Variants in DDX60L observed in about 807,000 individuals in gnomAD.
DDX60L encodes the protein probable ATP-dependent RNA helicase DDX60-like.
DDX60L carries 191 observed loss-of-function variants against 211.6 expected under a neutral mutation model. The ratio of observed to expected loss-of-function variants is 0.90; its 90% CI spans 0.80 to 1.02. DDX60L has a LOEUF of 1.02. DDX60L is among the 50% of genes least tolerant of loss of function. The pLI is 0.00. For synonymous variants in DDX60L, 706 were observed against 694.1 expected, an observed-to-expected ratio of 1.02 and a Z score of -0.27; for missense variants, 2,007 against 1,984.1, an observed-to-expected ratio of 1.01 and a Z score of -0.22.
chr4:168,473,517 T>C (rs191199186), intron 1 of DDX60L, among the ~76,000 whole-genome samples: 52 of 152,232 alleles, frequency 3.4e-4, no homozygotes, highest in Admixed American at 2.6e-3. Flanking sequence ...AGATTCCACA[T>C]GGGAAGGGAG....
Position 168,357,998 on chromosome 4 carries a change from A to G in DDX60L, c.*149T>C, listed in dbSNP as rs768780167. ...TATATTACATAACTTAAAGTCATTC[A>G]GTTAGAAAATAGCAGAGCTGATATC... On this transcript the variant is annotated 3_prime_UTR_variant, in exon 38 of 38. Coordinates refer to ENST00000682922, the MANE Select transcript of DDX60L (RefSeq NM_001012967.3). The G allele has an allele frequency of 6.9e-5, 47 of 680,820 alleles. No individual in the cohort carries two copies. The highest frequency in any genetic ancestry group is 5.4e-4 in the African/African-American group (29 of 53,958). The allele number at this position is 680,820 out of a possible 1,614,324, so 42.2% of individuals were successfully genotyped here.
intron 4 of DDX60L, among the ~76,000 whole-genome samples, chr4:168,467,462 T>A (rs77520034): frequency 0.16 from 16,933 of 103,362 alleles, 1,280 homozygotes; most frequent in Non-Finnish European, 0.23. Flanking sequence ...AAAAAAAAAA[T>A]GAAAGAAGGA....
At chr4:168,363,036 A>C (rs2149595443) in intron 36 of DDX60L, among the ~76,000 whole-genome samples, 1 of 152,326 alleles carries the variant, frequency 6.6e-6, no homozygotes, top group South Asian at 2.1e-4. Flanking sequence ...AAAGTCAAAG[A>C]CAAAGAATTC....
chr4:168,471,787 A>G lies in DDX60L; in HGVS notation c.224T>C (p.Leu75Pro). 1 of 1,609,370 alleles carries G rather than the reference A, an allele frequency of 6.2e-7. No homozygotes were observed. The highest frequency in any genetic ancestry group is 8.5e-7 in the Non-Finnish European group (1 of 1,178,972). ...GGTGAATTGTCCTCCGTTACTCAGA[A>G]GATCCACAAGATAGCATTCAACCAG... ...FYLVECYLVD[L>P]LSNGGQFTIV... The change falls in exon 4 of 38, where the codon CTT (leucine) becomes CCT (proline). Residue 75 changes from leucine (L) to proline (P), a missense_variant. Transcript: ENST00000682922.
chr4:168,375,659 T>C lies in DDX60L; in HGVS notation c.4486-135A>G, dbSNP rs1299668050. 3.7e-6 allele frequency: 3 copies of C among 809,294 alleles called. No individual in the cohort carries two copies. The East Asian group carries it at 9.5e-5, about 26-fold the overall frequency. The allele number at this position is 809,294 out of a possible 1,614,324, so 50.1% of individuals were successfully genotyped here. On this transcript the variant is annotated intron_variant, in intron 33 of 37. Coordinates refer to ENST00000682922, the MANE Select transcript of DDX60L (RefSeq NM_001012967.3). ...AACCCTTGATTACTTTACTCACCTG[T>C]GAGATTAAGGTAAAATTTCCTTTTG...
intron 15 of DDX60L, among the ~76,000 whole-genome samples, chr4:168,422,968 ATTGTGT>A (rs1750878711): frequency 2.9e-5 from 2 of 68,722 alleles, no homozygotes; most frequent in Non-Finnish European, 4.9e-5. Flanking sequence ...TGTGGCTAAT[ATTGTGT>A]GTGTGTGTGT....
chr4:168,395,882 T>C (rs1745674065), intron 27 of DDX60L, 77 bp downstream of exon 27: 1 of 967,336 alleles, frequency 1.0e-6, no homozygotes, highest in South Asian at 1.4e-5. Context: ...GTCATTTCAG[T>C]GTTCAAAGAT....
rs202236373 is a variant in DDX60L, at chr4:168,416,445, ATGGTAATGTACACC to A, written c.2726+223_2726+236del. 8.4e-3 allele frequency among the ~76,000 whole-genome samples: 1,211 copies of A among 144,914 alleles called. 16 individuals carry two copies. Among genetic ancestry groups the A allele is most frequent in the African/African-American group, 0.029 (1,119 of 38,268 alleles). The stretch of plus-strand genomic sequence containing the variant: ...TCAAAAAAATTTGAGAAAGCCAGAC[ATGGTAATGTACACC>A]TGTGGTCCCAGCTACTCAGGAGGCT... On this transcript the variant is annotated intron_variant, in intron 20 of 37. Transcript: ENST00000682922.
At chr4:168,451,338 A>G (rs1235167773) in intron 8 of DDX60L, among the ~76,000 whole-genome samples, 1 of 152,086 alleles carries the variant, frequency 6.6e-6, no homozygotes, top group Non-Finnish European at 1.5e-5. Context: ...CATTGCCACC[A>G]CCTCAAACTC....
intron 4 of DDX60L, among the ~76,000 whole-genome samples, chr4:168,463,987 T>C (rs1183406475): frequency 6.6e-6 from 1 of 152,198 alleles, no homozygotes; most frequent in Non-Finnish European, 1.5e-5. Context: ...TCTACTGGAA[T>C]GTAAATACAA....
chr4:168,453,343 T>C, intron 7 of DDX60L, 61 bp from the exon 8 acceptor site: 2 of 1,509,822 alleles, frequency 1.3e-6, no homozygotes, highest in Non-Finnish European at 9.0e-7. Flanking sequence ...GGCATTGAAA[T>C]AGGCACTCCA....
intron 5 of DDX60L, among the ~76,000 whole-genome samples, chr4:168,459,361 C>T (rs1756997062): frequency 6.6e-6 from 1 of 151,792 alleles, no homozygotes; most frequent in Non-Finnish European, 1.5e-5. Flanking sequence ...AAAGAGAGAC[C>T]AATCAAGACC....
At chr4:168,379,919 T>C (rs1553991377) in intron 30 of DDX60L, 89 bp from the exon 31 acceptor site, 12 of 802,876 alleles carry the variant, frequency 1.5e-5, no homozygotes, top group Non-Finnish European at 1.5e-5. Context: ...ACATACTATA[T>C]AGATAAGGTT....
chr4:168,434,451 G>A (rs1475331159), intron 10 of DDX60L, among the ~76,000 whole-genome samples: 5 of 152,154 alleles, frequency 3.3e-5, no homozygotes, highest in African/African-American at 4.8e-5. Flanking sequence ...AAAATTGTAA[G>A]GGGAACCCCA....
chr4:168,467,658 G>A (rs1758186539), intron 4 of DDX60L, among the ~76,000 whole-genome samples: 2 of 152,056 alleles, frequency 1.3e-5, no homozygotes, highest in South Asian at 4.1e-4. Flanking sequence ...ATTTATTAAC[G>A]AAATTGACTT....
intron 35 of DDX60L, among the ~76,000 whole-genome samples, chr4:168,372,912 T>G (rs1440023463): frequency 6.6e-6 from 1 of 152,202 alleles, no homozygotes. Context: ...ATATCTATAT[T>G]CTTTTGGATA....
intron 35 of DDX60L, among the ~76,000 whole-genome samples, chr4:168,372,461 C>T (rs1463358681): frequency 6.6e-6 from 1 of 152,166 alleles, no homozygotes; most frequent in Non-Finnish European, 1.5e-5. Context: ...CATGGTGGCT[C>T]ATGCCTGTAA....
At chr4:168,425,449 G>T (rs567299528) in intron 14 of DDX60L, among the ~76,000 whole-genome samples, 1 of 152,302 alleles carries the variant, frequency 6.6e-6, no homozygotes, top group Admixed American at 6.5e-5. Context: ...GGAATTGTCA[G>T]CTTGGTCTAG....
chr4:168,365,059 G>A (rs1229310756), intron 36 of DDX60L, among the ~76,000 whole-genome samples: 1 of 151,920 alleles, frequency 6.6e-6, no homozygotes, highest in Non-Finnish European at 1.5e-5. Context: ...TAGCAATAAA[G>A]GCCTAAATCA....
Sources: allele counts gnomAD v4.1 joint callset (sites outside exome capture counted in the v4.1 genomes callset), GRCh38; gene constraint gnomAD v4.1.1; transcripts MANE v1.5; gene names NCBI Gene and HGNC (gene_info 2026-07-23, HGNC 2026-07-21).